Variants in PLCL1 observed in about 807,000 individuals in gnomAD.
PLCL1 encodes the protein inactive phospholipase C-like protein 1.
A neutral mutation model predicts 84.4 loss-of-function variants in PLCL1; 41 were observed. That is an observed-to-expected ratio of 0.49 (90% CI 0.38 to 0.63). PLCL1 has a LOEUF of 0.63. Ranked by LOEUF, PLCL1 falls within the 30% of genes least tolerant of loss-of-function variation. PLCL1 has a pLI of 0.00. For synonymous variants in PLCL1, 490 were observed against 488.3 expected, an observed-to-expected ratio of 1.00 and a Z score of -0.05; for missense variants, 1,206 against 1,367.8, an observed-to-expected ratio of 0.88 and a Z score of 1.87.
At chr2:197,902,927 C>A (rs2105738080) in intron 1 of PLCL1, among the ~76,000 whole-genome samples, 1 of 152,266 alleles carries the variant, frequency 6.6e-6, no homozygotes, top group Admixed American at 6.5e-5. Flanking sequence ...ACTCCTGTTA[C>A]TATTGATACA....
intron 1 of PLCL1, among the ~76,000 whole-genome samples, chr2:197,846,226 A>G (rs1310599185): frequency 1.3e-5 from 2 of 152,166 alleles, no homozygotes; most frequent in African/African-American, 4.8e-5. Flanking sequence ...TCTGCATGAC[A>G]TTTGGTGGAA....
intron 1 of PLCL1, among the ~76,000 whole-genome samples, chr2:198,053,218 C>CT (rs1313025285): frequency 4.6e-5 from 7 of 152,180 alleles, no homozygotes; most frequent in African/African-American, 1.4e-4. Context: ...AATCATTGGC[C>CT]TTTTTTGCTG....
chr2:198,071,096 A>T, intron 1 of PLCL1: 1 of 95,380 alleles, frequency 1.0e-5, no homozygotes, highest in Non-Finnish European at 1.6e-5. Context: ...CTTTTTAAGT[A>T]TGCACACACA....
chr2:198,067,629 G>A (rs1455118045), intron 1 of PLCL1, among the ~76,000 whole-genome samples: 1 of 152,102 alleles, frequency 6.6e-6, no homozygotes, highest in Non-Finnish European at 1.5e-5. Flanking sequence ...AAATGTAGAG[G>A]TAGTATAAAC....
chr2:197,865,134 C>G (rs1226337581), intron 1 of PLCL1, among the ~76,000 whole-genome samples: 2 of 152,070 alleles, frequency 1.3e-5, no homozygotes, highest in African/African-American at 4.8e-5. Context: ...GATAAGTGAC[C>G]TACTGAGGGA....
chr2:197,891,418 C>G (rs1688025153), intron 1 of PLCL1, among the ~76,000 whole-genome samples: 1 of 152,138 alleles, frequency 6.6e-6, no homozygotes, highest in African/African-American at 2.4e-5. Context: ...TTCAGAAGGT[C>G]AAGGGTGGGG....
chr2:197,923,232 G>T (rs1263322837), intron 1 of PLCL1, among the ~76,000 whole-genome samples: 9 of 143,682 alleles, frequency 6.3e-5, no homozygotes, highest in Non-Finnish European at 7.7e-5. Flanking sequence ...CCTCCCGGAT[G>T]GGGCGGCTGG....
chr2:197,997,008 G>A (rs1156258251), intron 1 of PLCL1, among the ~76,000 whole-genome samples: 3 of 152,198 alleles, frequency 2.0e-5, no homozygotes, highest in Admixed American at 6.5e-5. Flanking sequence ...GAAGGAGAGA[G>A]ATAGCTTGTG....
chr2:197,960,533 T>A (rs1235254769), intron 1 of PLCL1, among the ~76,000 whole-genome samples: 2 of 151,942 alleles, frequency 1.3e-5, no homozygotes, highest in African/African-American at 4.8e-5. Flanking sequence ...AACAAAATGG[T>A]GATATTAGAG....
chr2:198,139,974 C>A (rs1694345867), intron 5 of PLCL1, among the ~76,000 whole-genome samples: 1 of 151,866 alleles, frequency 6.6e-6, no homozygotes, highest in African/African-American at 2.4e-5. Flanking sequence ...TGCTCTGTCA[C>A]CCAGGCTGGA....
intron 5 of PLCL1, among the ~76,000 whole-genome samples, chr2:198,138,281 C>A (rs774138714): frequency 6.6e-6 from 1 of 152,142 alleles, no homozygotes; most frequent in Non-Finnish European, 1.5e-5. Flanking sequence ...GGGAAGCAAG[C>A]ACATCTTCAC....
intron 1 of PLCL1, among the ~76,000 whole-genome samples, chr2:198,062,611 A>T (rs899886342): frequency 5.9e-5 from 9 of 152,236 alleles, no homozygotes; most frequent in African/African-American, 1.9e-4. Context: ...TGGAGCCATC[A>T]TATAATTAAA....
At position 198,149,511 on chromosome 2, in the gene PLCL1, T is replaced by G. The variant is rs1694595168; in HGVS notation, c.*2549T>G. 6.6e-6 allele frequency: 1 copy of G among 152,200 alleles called. No homozygotes were observed. Among genetic ancestry groups the G allele is most frequent in the Non-Finnish European group, 1.5e-5 (1 of 68,022 alleles). 9.4% of individuals were successfully genotyped at this position (152,200 alleles called of 1,614,324 possible). A position where few individuals can be genotyped will look rare whatever the true frequency, so the allele number is the denominator to read the frequency against. The stretch of plus-strand genomic sequence containing the variant: ...TTCATGTGCAAGATTATATACTTAG[T>G]GATTTTGATTTTAAGTTTATTCTTA... On this transcript the variant is annotated 3_prime_UTR_variant, in exon 6 of 6. Transcript: ENST00000428675.
chr2:198,044,447 C>A (rs1475290329), intron 1 of PLCL1, among the ~76,000 whole-genome samples: 1 of 152,184 alleles, frequency 6.6e-6, no homozygotes, highest in Non-Finnish European at 1.5e-5. Flanking sequence ...ATATAAAGAA[C>A]TTTGCTCTCA....
chr2:197,841,942 A>T (rs1259193744), intron 1 of PLCL1, among the ~76,000 whole-genome samples: 2 of 152,208 alleles, frequency 1.3e-5, no homozygotes, highest in African/African-American at 4.8e-5. Context: ...TATTGAAGAC[A>T]TGTAGGGAAG....
chr2:197,885,079 C>T (rs987303352), intron 1 of PLCL1, among the ~76,000 whole-genome samples: 6 of 152,180 alleles, frequency 3.9e-5, no homozygotes, highest in African/African-American at 7.2e-5. Context: ...CTTCCTGTCC[C>T]GCGAATGTAC....
At chr2:198,076,774 A>C (rs1692584446) in intron 1 of PLCL1, among the ~76,000 whole-genome samples, 1 of 152,200 alleles carries the variant, frequency 6.6e-6, no homozygotes, top group South Asian at 2.1e-4. Context: ...TTTAACGTGA[A>C]ATTAATGGTA....
chr2:197,820,122 A>G lies in PLCL1; in HGVS notation c.240+14783A>G, dbSNP rs180956098. Among the ~76,000 whole-genome samples, 637 of 152,224 alleles carry G rather than the reference A, an allele frequency of 4.2e-3. 3 individuals are homozygous for G. The highest frequency in any genetic ancestry group is 0.015 in the African/African-American group (611 of 41,548). On this transcript the variant is annotated intron_variant, in intron 1 of 5. Coordinates refer to ENST00000428675, the MANE Select transcript of PLCL1 (RefSeq NM_006226.4). Reference sequence around the variant, plus strand: ...AACCACCGTTTATTGAGTTAGGTGCATATATGTTATTTCATTTAAGTTGGA... The same window carrying G: ...AACCACCGTTTATTGAGTTAGGTGCGTATATGTTATTTCATTTAAGTTGGA...
intron 1 of PLCL1, among the ~76,000 whole-genome samples, chr2:198,082,057 G>A (rs1030515604): frequency 2.0e-5 from 3 of 152,166 alleles, no homozygotes; most frequent in African/African-American, 7.2e-5. Context: ...ATCCTGGTCA[G>A]TACCTACTCA....
Sources: gnomAD v4.1 joint callset for allele counts (sites outside exome capture counted in the v4.1 genomes callset) on GRCh38, gnomAD v4.1.1 for gene constraint, MANE v1.5 for transcripts, NCBI Gene and HGNC (gene_info 2026-07-23, HGNC 2026-07-21) for gene names.